PPP1R1C: variants seen among roughly 807,000 people sequenced by gnomAD.
The protein encoded by PPP1R1C is protein phosphatase 1 regulatory inhibitor subunit 1C, also known as protein phosphatase 1 regulatory subunit 1C.
Under a neutral mutation model 17.4 loss-of-function variants are expected in PPP1R1C, and 15 were observed. The ratio of observed to expected loss-of-function variants is 0.86; its 90% CI spans 0.58 to 1.33. PPP1R1C has a LOEUF of 1.33. Ranked by LOEUF, PPP1R1C falls within the 40% of genes most tolerant of loss-of-function variation. The probability of loss-of-function intolerance (pLI) is 0.00; values close to 1 mark genes in which losing one functional copy is unlikely to be tolerated. For missense variants in PPP1R1C, 143 were observed against 130.0 expected (o/e 1.10, Z -0.48); for synonymous variants, 35 against 43.1 (o/e 0.81, Z 0.73).
chr2:182,062,310 T>G (rs1178537038), intron 3 of PPP1R1C, among the ~76,000 whole-genome samples: 3 of 152,122 alleles, frequency 2.0e-5, no homozygotes, highest in South Asian at 2.1e-4. Context: ...AAATATAAAT[T>G]AGTTTTTATT....
intron 2 of PPP1R1C, among the ~76,000 whole-genome samples, chr2:182,056,248 T>C (rs1687681787): frequency 6.6e-6 from 1 of 152,246 alleles, no homozygotes. Flanking sequence ...TCAGTTCTGC[T>C]GAGAGATTAG....
At chr2:182,008,368 A>G (rs370678083) in intron 2 of PPP1R1C, among the ~76,000 whole-genome samples, 1 of 152,182 alleles carries the variant, frequency 6.6e-6, no homozygotes, top group Admixed American at 6.5e-5. Flanking sequence ...AAAAAAACAG[A>G]AAATGGACTT....
chr2:181,961,401 G>T lies in PPP1R1C; in HGVS notation n.111+6767G>T. ...TGTTCAGCAGAGCCTCGTACTCCCC[G>T]ATCTGGTGCTGTCCCTCTGCCCGGC... On this transcript the variant is annotated intron_variant and non_coding_transcript_variant, in intron 1 of 5. Coordinates refer to the PPP1R1C transcript ENST00000464264. The surrounding 1 kb of genome is among the most constrained non-coding windows in gnomAD (Gnocchi z 5.8). 1.4e-6 allele frequency: 1 copy of T among 726,590 alleles called. No individual in the cohort carries two copies. The highest frequency in any genetic ancestry group is 2.5e-6 in the Non-Finnish European group (1 of 406,152). The allele number at this position is 726,590 out of a possible 1,614,324, so 45.0% of individuals were successfully genotyped here. A position where few individuals can be genotyped will look rare whatever the true frequency, so the allele number is the denominator to read the frequency against.
rs2674603 is a variant in PPP1R1C at position 182,044,823 on chromosome 2, T to A, written c.143-16619T>A. Among the ~76,000 whole-genome samples the A allele has an allele frequency of 2.6e-3, 392 of 152,334 alleles. 2 individuals are homozygous for A. The highest frequency in any genetic ancestry group is 9.0e-3 in the African/African-American group (374 of 41,570). On this transcript the variant is annotated intron_variant, in intron 2 of 4. Coordinates refer to ENST00000682840, the MANE Select transcript of PPP1R1C (RefSeq NM_001080545.3). ...ATCCATAGTGACAGACAACCTTACA[T>A]ATAAGACACAGATTATCATAGGCGT...
At chr2:182,119,510 A>G (rs1280582943), downstream of PPP1R1C, among the ~76,000 whole-genome samples, 2 of 152,230 alleles carry the variant, frequency 1.3e-5, no homozygotes, top group East Asian at 3.8e-4. Flanking sequence ...GAACTAGTTT[A>G]CAGTCCCAAC....
intron 2 of PPP1R1C, among the ~76,000 whole-genome samples, chr2:182,046,557 C>G (rs1687352663): frequency 6.8e-6 from 1 of 147,540 alleles, no homozygotes; most frequent in Non-Finnish European, 1.5e-5. Context: ...GAAACCTCGT[C>G]TCTACTCAAA....
chr2:182,032,927 T>C (rs1686890045), intron 2 of PPP1R1C, among the ~76,000 whole-genome samples: 1 of 152,204 alleles, frequency 6.6e-6, no homozygotes, highest in Non-Finnish European at 1.5e-5. Context: ...TCTTCTGCCC[T>C]TCAGAGACAA....
chr2:182,058,124 A>G (rs1034112083), intron 2 of PPP1R1C, among the ~76,000 whole-genome samples: 1 of 152,058 alleles, frequency 6.6e-6, no homozygotes, highest in Admixed American at 6.6e-5. Context: ...AGATAGTTTT[A>G]TAATGCCTTT....
chr2:182,032,868 T>C (rs1329140330), intron 2 of PPP1R1C, among the ~76,000 whole-genome samples: 5 of 152,198 alleles, frequency 3.3e-5, no homozygotes, highest in Admixed American at 6.5e-5. Flanking sequence ...TATTCAAGCC[T>C]CTTATTTTAA....
intron 5 of PPP1R1C, among the ~76,000 whole-genome samples, chr2:182,124,669 G>A (rs1689830588): frequency 1.3e-5 from 2 of 151,896 alleles, no homozygotes; most frequent in Admixed American, 6.6e-5. Flanking sequence ...ATTGTGAATG[G>A]GTGTTCACAT....
Position 181,962,403 on chromosome 2 carries a change from C to A in PPP1R1C, n.111+7769C>A, listed in dbSNP as rs897464671. On this transcript the variant is annotated intron_variant and non_coding_transcript_variant, in intron 1 of 5. Coordinates refer to the PPP1R1C transcript ENST00000464264. The surrounding 1 kb of genome is among the most constrained non-coding windows in gnomAD (Gnocchi z 6.0). ...CTGGCCATGCAGCTGGCCGGCCGGG[C>A]GCCGTAGTTGGACACCTGGACAGAG... The A allele has an allele frequency of 2.7e-6, 2 of 734,250 alleles. No homozygotes were observed. The highest frequency in any genetic ancestry group is 2.4e-6 in the Non-Finnish European group (1 of 417,678). The allele number at this position is 734,250 out of a possible 1,614,324, so 45.5% of individuals were successfully genotyped here. A position where few individuals can be genotyped will look rare whatever the true frequency, so the allele number is the denominator to read the frequency against.
intron 2 of PPP1R1C, among the ~76,000 whole-genome samples, chr2:182,019,584 T>C (rs780694557): frequency 1.3e-5 from 2 of 152,226 alleles, no homozygotes; most frequent in Non-Finnish European, 2.9e-5. Context: ...TTACAGAGAA[T>C]GGGTAAGTGT....
chr2:181,968,660 C>A (rs1473340626), intron 1 of PPP1R1C, among the ~76,000 whole-genome samples: 3 of 152,018 alleles, frequency 2.0e-5, no homozygotes, highest in African/African-American at 7.2e-5. Context: ...CACTCTATGG[C>A]TTTTGATTGG....
intron 2 of PPP1R1C, among the ~76,000 whole-genome samples, chr2:182,014,993 G>A (rs187674946): frequency 4.8e-4 from 73 of 152,150 alleles, no homozygotes; most frequent in African/African-American, 1.6e-3. Context: ...CTGTCCAGAA[G>A]CCATAGCTAG....
At chr2:182,088,653 G>T (rs1329736980) in intron 4 of PPP1R1C, among the ~76,000 whole-genome samples, 2 of 152,148 alleles carry the variant, frequency 1.3e-5, no homozygotes, top group African/African-American at 2.4e-5. Flanking sequence ...GGGTTTGGCA[G>T]TTTTCTTATC....
At chr2:181,955,012 G>A (rs1684647554) in intron 1 of PPP1R1C, among the ~76,000 whole-genome samples, 1 of 152,136 alleles carries the variant, frequency 6.6e-6, no homozygotes, top group East Asian at 1.9e-4. Flanking sequence ...CTCATCCTAG[G>A]TGACCTCTGT....
intron 4 of PPP1R1C, among the ~76,000 whole-genome samples, chr2:182,082,422 C>T (rs974306074): frequency 2.6e-5 from 4 of 152,016 alleles, no homozygotes; most frequent in Admixed American, 6.6e-5. Flanking sequence ...CATGTGTGCA[C>T]GTGTCTGGCA....
chr2:181,979,820 G>A (rs1229983699), intron 2 of PPP1R1C, among the ~76,000 whole-genome samples: 1 of 152,164 alleles, frequency 6.6e-6, no homozygotes, highest in Non-Finnish European at 1.5e-5. Flanking sequence ...GGATATCAGG[G>A]CCCAGCTTTG....
intron 2 of PPP1R1C, among the ~76,000 whole-genome samples, chr2:182,047,333 T>A (rs1019257093): frequency 1.3e-5 from 2 of 152,176 alleles, no homozygotes; most frequent in Non-Finnish European, 2.9e-5. Context: ...AAATATATTA[T>A]TGGAAAAGGA....
Sources: gnomAD v4.1 joint callset for allele counts (sites outside exome capture counted in the v4.1 genomes callset) on GRCh38, gnomAD v4.1.1 for gene constraint, Gnocchi (gnomAD v3.1) non-coding constraint, MANE v1.5 for transcripts, NCBI Gene and HGNC (gene_info 2026-07-23, HGNC 2026-07-21) for gene names.